RIMS1: variants seen among roughly 807,000 people sequenced by gnomAD.
RIMS1 encodes regulating synaptic membrane exocytosis protein 1.
A neutral mutation model predicts 214.1 loss-of-function variants in RIMS1; 83 were observed. The observed-to-expected ratio is 0.39, with a 90% CI of 0.32 to 0.47. The LOEUF is 0.47. RIMS1 is among the 20% of genes least tolerant of loss of function. The probability of loss-of-function intolerance (pLI) is 0.99; values close to 1 mark genes in which losing one functional copy is unlikely to be tolerated. For missense variants in RIMS1, 2,050 were observed against 2,161.8 expected (o/e 0.95, Z 1.03); for synonymous variants, 793 against 786.8 (o/e 1.01, Z -0.13).
intron 29 of RIMS1, among the ~76,000 whole-genome samples, chr6:72,385,032 G>A (rs545320232): frequency 6.6e-6 from 1 of 152,220 alleles, no homozygotes; most frequent in East Asian, 1.9e-4. Context: ...GTGAAATATT[G>A]CCCCCAGACA....
intron 2 of RIMS1, among the ~76,000 whole-genome samples, chr6:72,023,648 A>G (rs894350335): frequency 2.0e-5 from 3 of 152,046 alleles, no homozygotes; most frequent in African/African-American, 2.4e-5. Context: ...TTTCATTCCC[A>G]TGCTATTTGT....
chr6:71,995,510 G>C (rs1803154921), intron 2 of RIMS1, among the ~76,000 whole-genome samples: 1 of 151,098 alleles, frequency 6.6e-6, no homozygotes, highest in East Asian at 1.9e-4. Context: ...CTGTCTGCTT[G>C]TTTGTGTTTG....
At chr6:72,384,138 C>T (rs756619015) in intron 29 of RIMS1, among the ~76,000 whole-genome samples, 4 of 152,048 alleles carry the variant, frequency 2.6e-5, no homozygotes, top group South Asian at 2.1e-4. Context: ...TCTCTCCAGC[C>T]GATAATGTTA....
chr6:72,342,442 A>G (rs1406859530), intron 29 of RIMS1, among the ~76,000 whole-genome samples: 2 of 151,768 alleles, frequency 1.3e-5, no homozygotes. Flanking sequence ...GTTCACATGC[A>G]TGGTGCTGGG....
chr6:72,071,623 T>C (rs1830599389), intron 2 of RIMS1, among the ~76,000 whole-genome samples: 2 of 152,334 alleles, frequency 1.3e-5, no homozygotes, highest in Admixed American at 6.5e-5. Flanking sequence ...GGAGTTTTAG[T>C]TGACATTAAG....
At chr6:72,049,167 G>A (rs886460131) in intron 2 of RIMS1, among the ~76,000 whole-genome samples, 1 of 152,124 alleles carries the variant, frequency 6.6e-6, no homozygotes, top group African/African-American at 2.4e-5. Flanking sequence ...AGAGGTTGAA[G>A]AAACAAAAGT....
At chr6:72,206,448 A>C (rs1440234204) in intron 6 of RIMS1, among the ~76,000 whole-genome samples, 1 of 152,218 alleles carries the variant, frequency 6.6e-6, no homozygotes, top group African/African-American at 2.4e-5. Context: ...ACATAAATAG[A>C]TATCAGTGTT....
At position 72,393,652 on chromosome 6, in the gene RIMS1, G is replaced by A. The variant is rs540701488; in HGVS notation, c.4618+842G>A. ...TGAGGCAGGAGAATGGCGTGAACCCGGGAAGTGGAGCTTGCAGTGAGCCCA... is the reference window on the plus strand; with the variant it reads ...TGAGGCAGGAGAATGGCGTGAACCCAGGAAGTGGAGCTTGCAGTGAGCCCA... On this transcript the variant is annotated intron_variant, in intron 31 of 33. Transcript: ENST00000521978. 3.9e-5 allele frequency among the ~76,000 whole-genome samples: 6 copies of A among 152,134 alleles called. No homozygotes were observed. The South Asian group carries it at 8.3e-4, about 21-fold the overall frequency.
chr6:72,179,257 T>C (rs2048130382), intron 4 of RIMS1, among the ~76,000 whole-genome samples: 2 of 152,254 alleles, frequency 1.3e-5, no homozygotes, highest in South Asian at 2.1e-4. Context: ...GCTTAGAACA[T>C]TTTTGCTAAC....
At chr6:72,079,425 A>AT (rs796431798) in intron 2 of RIMS1, among the ~76,000 whole-genome samples, 14 of 152,210 alleles carry the variant, frequency 9.2e-5, no homozygotes, top group African/African-American at 2.9e-4. Context: ...ATAAATATGG[A>AT]TTTTTTAACT....
chr6:72,392,112 A>G (rs1371750335), intron 30 of RIMS1, among the ~76,000 whole-genome samples: 1 of 152,238 alleles, frequency 6.6e-6, no homozygotes, highest in Non-Finnish European at 1.5e-5. Flanking sequence ...TCAGTCAACA[A>G]GAAGAGAACA....
intron 4 of RIMS1, among the ~76,000 whole-genome samples, chr6:72,108,051 T>C (rs9350451): frequency 0.4 from 61,433 of 152,000 alleles, 12,773 homozygotes; most frequent in Admixed American, 0.45. Context: ...CAGGGTCTCA[T>C]TCTGTTGCCC....
intron 22 of RIMS1, 125 bp downstream of exon 22, chr6:72,266,174 A>G: frequency 4.0e-6 from 3 of 741,036 alleles, no homozygotes; most frequent in South Asian, 1.5e-5. Context: ...AACTGTCTAC[A>G]TTTCCCCTTC....
chr6:71,996,705 A>G (rs1305666952), intron 2 of RIMS1, among the ~76,000 whole-genome samples: 1 of 152,178 alleles, frequency 6.6e-6, no homozygotes, highest in Non-Finnish European at 1.5e-5. Flanking sequence ...GGTACACACC[A>G]GGGGTTCTTC....
chr6:72,064,779 G>A (rs1210011383), intron 2 of RIMS1, among the ~76,000 whole-genome samples: 4 of 152,346 alleles, frequency 2.6e-5, no homozygotes, highest in South Asian at 2.1e-4. Flanking sequence ...CACCCTAGGA[G>A]TCTCTTGTAT....
At chr6:72,094,611 C>G (rs899715234) in intron 2 of RIMS1, among the ~76,000 whole-genome samples, 1 of 152,156 alleles carries the variant, frequency 6.6e-6, no homozygotes, top group Non-Finnish European at 1.5e-5. Flanking sequence ...AGCATATTTA[C>G]ATTCATTCAT....
At chr6:72,387,222 C>T (rs2098628460) in intron 29 of RIMS1, among the ~76,000 whole-genome samples, 1 of 152,152 alleles carries the variant, frequency 6.6e-6, no homozygotes, top group Non-Finnish European at 1.5e-5. Flanking sequence ...AACCTGAACC[C>T]GCCATATTGT....
At chr6:72,098,588 C>T (rs2032631672) in intron 3 of RIMS1, among the ~76,000 whole-genome samples, 2 of 152,156 alleles carry the variant, frequency 1.3e-5, no homozygotes, top group South Asian at 4.1e-4. Flanking sequence ...AGCCACTGCA[C>T]CTGGCCGATC....
intron 2 of RIMS1, among the ~76,000 whole-genome samples, chr6:71,969,696 C>T (rs1276613664): frequency 1.3e-5 from 2 of 152,112 alleles, no homozygotes; most frequent in Non-Finnish European, 2.9e-5. Context: ...GTAATCCCAG[C>T]TACTTGGGAG....
Sources: gnomAD v4.1 joint callset for allele counts (sites outside exome capture counted in the v4.1 genomes callset) on GRCh38, gnomAD v4.1.1 for gene constraint, MANE v1.5 for transcripts, NCBI Gene and HGNC (gene_info 2026-07-23, HGNC 2026-07-21) for gene names.